Variants in ARID3B observed in about 807,000 individuals in gnomAD.
The protein encoded by ARID3B is AT-rich interactive domain-containing protein 3B.
Under a neutral mutation model 51.9 loss-of-function variants are expected in ARID3B, and 10 were observed. That is an observed-to-expected ratio of 0.19 (90% CI 0.12 to 0.33). The LOEUF (loss-of-function observed/expected upper bound fraction) is 0.33, where lower values mean the gene tolerates loss of function less well. ARID3B is among the 10% of genes least tolerant of loss of function. The probability of loss-of-function intolerance (pLI) is 1.00; values close to 1 mark genes in which losing one functional copy is unlikely to be tolerated. For missense variants in ARID3B, 483 were observed against 716.3 expected (o/e 0.67, Z 3.72); for synonymous variants, 205 against 279.5 (o/e 0.73, Z 2.66).
rs2061700554 is a variant in ARID3B, at chr15:74,566,778, A to G, written c.553-6084A>G. ...AAAATAATATAATTTTTAAAATAAA[A>G]AAAGAGCATAATTGCATTTTGTAAT... On this transcript the variant is annotated intron_variant, in intron 2 of 8. Coordinates refer to ENST00000346246, the MANE Select transcript of ARID3B (RefSeq NM_006465.4). 3.9e-5 allele frequency among the ~76,000 whole-genome samples: 6 copies of G among 152,302 alleles called. No individual in the cohort carries two copies. In the South Asian group the frequency reaches 1.2e-3, roughly 32 times the overall value.
At chr15:74,545,518 G>C (rs1015312150) in intron 2 of ARID3B, among the ~76,000 whole-genome samples, 4 of 152,172 alleles carry the variant, frequency 2.6e-5, no homozygotes, top group African/African-American at 9.7e-5. Flanking sequence ...TTCTCTTTGT[G>C]ACCCATAATA....
chr15:74,597,899 C>T lies in ARID3B; in HGVS notation c.*2125C>T, dbSNP rs1360185072. 3.8e-6 allele frequency: 2 copies of T among 529,150 alleles called. No individual in the cohort carries two copies. Among genetic ancestry groups the T allele is most frequent in the East Asian group, 7.9e-5 (2 of 25,250 alleles). The allele number at this position is 529,150 out of a possible 1,614,324, so 32.8% of individuals were successfully genotyped here. A position where few individuals can be genotyped will look rare whatever the true frequency, so the allele number is the denominator to read the frequency against. ...GGTGCCCCCACGAGTGGGGCCTTGG[C>T]CCAAGCAGAGCTTCCCCTGAAGGTG... On this transcript the variant is annotated 3_prime_UTR_variant, in exon 9 of 9. Transcript: ENST00000346246.
Position 74,549,142 on chromosome 15 carries a change from C to T in ARID3B, c.552+4654C>T, listed in dbSNP as rs568469602. The stretch of plus-strand genomic sequence containing the variant: ...AGGCTAGAGTGCAGTGGCATGATCT[C>T]GGCTCACTGCAGGCTCCACCCCCCG... On this transcript the variant is annotated intron_variant, in intron 2 of 8. Transcript: ENST00000346246. 5.3e-5 allele frequency among the ~76,000 whole-genome samples: 8 copies of T among 151,540 alleles called. No homozygotes were observed. In the East Asian group the frequency reaches 1.2e-3, roughly 22 times the overall value.
At position 74,597,885 on chromosome 15, in the gene ARID3B, G is replaced by A; in HGVS notation, c.*2111G>A. ...GAGGGGTGCCAGCAGGTGCCCCCAC[G>A]AGTGGGGCCTTGGCCCAAGCAGAGC... On this transcript the variant is annotated 3_prime_UTR_variant, in exon 9 of 9. Coordinates refer to ENST00000346246, the MANE Select transcript of ARID3B (RefSeq NM_006465.4). 2 of 528,796 alleles carry A rather than the reference G, an allele frequency of 3.8e-6. No individual in the cohort carries two copies. Among genetic ancestry groups the A allele is most frequent in the Non-Finnish European group, 7.3e-6 (2 of 272,730 alleles). 32.8% of individuals were successfully genotyped at this position (528,796 alleles called of 1,614,324 possible).
chr15:74,544,099 G>T lies in ARID3B; in HGVS notation c.163G>T (p.Ala55Ser), dbSNP rs777973099. The T allele has an allele frequency of 6.2e-7, 1 of 1,613,894 alleles. No homozygotes were observed. Among genetic ancestry groups the T allele is most frequent in the South Asian group, 1.1e-5 (1 of 91,078 alleles). ...KLVTQPTLLS[A>S]TAGRPSGSTP... ...GGTCACACAGCCGACTCTCCTTTCCGCCACAGCTGGGAGACCTTCTGGCAG... is the reference window on the plus strand; with the variant it reads ...GGTCACACAGCCGACTCTCCTTTCCTCCACAGCTGGGAGACCTTCTGGCAG... Residue 55 changes from alanine to serine, a missense_variant, in exon 2 of 9, where the codon GCC (alanine) becomes TCC (serine). By Grantham distance (99) the Ala-to-Ser change is moderately conservative. Transcript: ENST00000346246.
intron 7 of ARID3B, 139 bp from the exon 8 acceptor site, chr15:74,592,999 C>G: frequency 1.5e-6 from 1 of 655,370 alleles, no homozygotes; most frequent in South Asian, 2.0e-5. Context: ...CCTGCCATAC[C>G]CTACACTCAG....
At chr15:74,590,039 C>G in intron 5 of ARID3B, 36 bp downstream of exon 5, 4 of 1,554,254 alleles carry the variant, frequency 2.6e-6, no homozygotes, top group East Asian at 4.6e-5. Flanking sequence ...GAAGCTGAGG[C>G]TGGAGAAAGG....
intron 1 of ARID3B, 51 bp downstream of exon 1, chr15:74,541,381 C>T: frequency 6.6e-6 from 1 of 152,476 alleles, no homozygotes; most frequent in Non-Finnish European, 1.5e-5. Context: ...GAGGAGGCTG[C>T]GACAGGTGGA....
At chr15:74,569,740 G>C (rs1274971217) in intron 2 of ARID3B, among the ~76,000 whole-genome samples, 1 of 152,210 alleles carries the variant, frequency 6.6e-6, no homozygotes, top group Non-Finnish European at 1.5e-5. Flanking sequence ...GAATCTGCCT[G>C]GTGGGCAGAG....
chr15:74,597,567 G>C lies in ARID3B; in HGVS notation c.*1793G>C, dbSNP rs1471602107. On this transcript the variant is annotated 3_prime_UTR_variant, in exon 9 of 9. Coordinates refer to ENST00000346246, the MANE Select transcript of ARID3B (RefSeq NM_006465.4). Reference sequence around the variant, plus strand: ...CGAGGGCTGACCTCCTCTGGCCTCAGCCTGCAGGGTGTGGGCAGAGAAGGG... The same window carrying C: ...CGAGGGCTGACCTCCTCTGGCCTCACCCTGCAGGGTGTGGGCAGAGAAGGG... 1.9e-6 allele frequency: 1 copy of C among 535,754 alleles called. No homozygotes were observed. Among genetic ancestry groups the C allele is most frequent in the Non-Finnish European group, 3.6e-6 (1 of 276,754 alleles). 33.2% of individuals were successfully genotyped at this position (535,754 alleles called of 1,614,324 possible).
chr15:74,557,275 A>G (rs1439383423), intron 2 of ARID3B, among the ~76,000 whole-genome samples: 1 of 151,294 alleles, frequency 6.6e-6, no homozygotes, highest in African/African-American at 2.4e-5. Flanking sequence ...AATTAGCCAG[A>G]TAGGTTGGTA....
At position 74,543,737 on chromosome 15, in the gene ARID3B, A is replaced by G. The variant is rs2061602927; in HGVS notation, c.-77-123A>G. 6.5e-6 allele frequency: 4 copies of G among 616,620 alleles called. No individual in the cohort carries two copies. In the Admixed American group the frequency reaches 9.6e-5, roughly 15 times the overall value. The allele number at this position is 616,620 out of a possible 1,614,324, so 38.2% of individuals were successfully genotyped here. On this transcript the variant is annotated intron_variant, in intron 1 of 8. Coordinates refer to ENST00000346246, the MANE Select transcript of ARID3B (RefSeq NM_006465.4). ...CTCACTCATCTTAAAACTCAGGTTT[A>G]GGAGCATATGTTTAGCGTTCGGAAC...
At chr15:74,569,270 C>A (rs902199449) in intron 2 of ARID3B, among the ~76,000 whole-genome samples, 1 of 152,168 alleles carries the variant, frequency 6.6e-6, no homozygotes, top group Non-Finnish European at 1.5e-5. Flanking sequence ...GACGGAGGAG[C>A]TGTGGGGTTG....
chr15:74,546,940 G>C (rs1337516687), intron 2 of ARID3B, among the ~76,000 whole-genome samples: 1 of 151,990 alleles, frequency 6.6e-6, no homozygotes, highest in Admixed American at 6.6e-5. Flanking sequence ...TCATATGCTT[G>C]GGGATTTTAA....
Position 74,591,745 on chromosome 15 carries a change from C to G in ARID3B, c.1351C>G (p.Gln451Glu), listed in dbSNP as rs1361177853. Residue 451 changes from glutamine (Q) to glutamate (E), a missense_variant, in exon 7 of 9, where the codon CAG (glutamine) becomes GAG (glutamate). Gln to Glu is a conservative substitution (Grantham distance 29, BLOSUM62 2). Coordinates refer to ENST00000346246, the MANE Select transcript of ARID3B (RefSeq NM_006465.4). This position sits in a 1 kb window ranked among gnomAD's most constrained non-coding sequence, Gnocchi z 5.8. The part of the protein sequence containing the change: ...LSEEEQRLVQ[Q>E]AFQRNFFSMA... ...TGAGGAGGAGCAGCGCCTGGTGCAG[C>G]AGGCCTTCCAGCGCAACTTTTTCAG... is the stretch of plus-strand genomic sequence containing the variant. The G allele has an allele frequency of 6.2e-7, 1 of 1,614,104 alleles. No individual in the cohort carries two copies. The highest frequency in any genetic ancestry group is 1.3e-5 in the African/African-American group (1 of 74,952).
Position 74,584,427 on chromosome 15 carries a change from AATG to A in ARID3B, c.698-5390_698-5388del, listed in dbSNP as rs968796574. ...TGACAGTCAGGCTATGGAAATGATTAATGATCTTTCTCAAAGCCTGGAAAAAGC... is the reference window on the plus strand; with the variant it reads ...TGACAGTCAGGCTATGGAAATGATTAATCTTTCTCAAAGCCTGGAAAAAGC... On this transcript the variant is annotated intron_variant, in intron 4 of 8. Transcript: ENST00000346246. 3.9e-5 allele frequency among the ~76,000 whole-genome samples: 6 copies of A among 152,218 alleles called. No homozygotes were observed. In the South Asian group the frequency reaches 8.3e-4, roughly 21 times the overall value.
chr15:74,586,121 G>A (rs112443555), intron 4 of ARID3B, among the ~76,000 whole-genome samples: 1 of 152,222 alleles, frequency 6.6e-6, no homozygotes, highest in Non-Finnish European at 1.5e-5. Context: ...ACTGTGGAGT[G>A]AGGAAAACAG....
In ARID3B at chr15:74,591,398, A is replaced by G; in HGVS notation, c.1129A>G (p.Ser377Gly). 1 of 1,609,440 alleles carries G rather than the reference A, an allele frequency of 6.2e-7. No homozygotes were observed. Among genetic ancestry groups the G allele is most frequent in the South Asian group, 1.1e-5 (1 of 91,032 alleles). ...LGSSSGTNTSSPRISPATTLR... is the reference protein window; with the variant it reads ...LGSSSGTNTSGPRISPATTLR... ...CTCCAGCAGTGGTACCAATACCAGT[A>G]GCCCTCGGATATCCCCAGCAACCAC... The change falls in exon 6 of 9, where the codon AGC becomes GGC. Residue 377 changes from serine (S) to glycine (G), a missense_variant. By Grantham distance (56) the Ser-to-Gly change is moderately conservative. This residue lies in a region of ARID3B where 265 missense variants were observed against 354.4 expected (regional missense o/e 0.75). Transcript: ENST00000346246. This position sits in a 1 kb window ranked among gnomAD's most constrained non-coding sequence, Gnocchi z 5.8.
intron 2 of ARID3B, among the ~76,000 whole-genome samples, chr15:74,558,178 C>CTTTTTTTTTTTTTTTTTTTTTTTTTCT (rs1208034661): frequency 9.6e-6 from 1 of 104,668 alleles, no homozygotes; most frequent in Non-Finnish European, 1.9e-5. Flanking sequence ...TGGTTTGTGT[C>CTTTTTTTTTTTTTTTTTTTTTTTTTCT]TTTTTTTTTT....
Sources: allele counts gnomAD v4.1 joint callset (sites outside exome capture counted in the v4.1 genomes callset), GRCh38; gene constraint gnomAD v4.1.1; regional missense constraint gnomAD v4.1.1; non-coding constraint Gnocchi (gnomAD v3.1); transcripts MANE v1.5; gene names NCBI Gene and HGNC (gene_info 2026-07-23, HGNC 2026-07-21).